Variants in NDUFS4 observed in about 807,000 individuals in gnomAD.
NDUFS4 encodes NADH dehydrogenase [ubiquinone] iron-sulfur protein 4, mitochondrial.
A neutral mutation model predicts 24.3 loss-of-function variants in NDUFS4; 28 were observed. The observed-to-expected ratio is 1.15, with a 90% confidence interval of 0.85 to 1.58. The LOEUF is 1.58. NDUFS4 is among the 40% of genes most tolerant of loss of function. The probability of loss-of-function intolerance (pLI) is 0.00; values close to 1 mark genes in which losing one functional copy is unlikely to be tolerated. For missense variants in NDUFS4, 223 were observed against 207.9 expected (o/e 1.07, Z -0.45); for synonymous variants, 93 against 69.7 (o/e 1.34, Z -1.67).
At chr5:53,572,790 A>T (rs1438799791) in intron 1 of NDUFS4, among the ~76,000 whole-genome samples, 1 of 151,414 alleles carries the variant, frequency 6.6e-6, no homozygotes, top group African/African-American at 2.4e-5. Context: ...GATTACAGGC[A>T]TGTGCCACCA....
chr5:53,565,692 A>T (rs1748997609), intron 1 of NDUFS4, among the ~76,000 whole-genome samples: 1 of 152,182 alleles, frequency 6.6e-6, no homozygotes, highest in African/African-American at 2.4e-5. Flanking sequence ...ATTCACCTAG[A>T]ACTCTGTTAA....
intron 2 of NDUFS4, among the ~76,000 whole-genome samples, chr5:53,618,419 A>G (rs1286677252): frequency 6.6e-6 from 1 of 152,162 alleles, no homozygotes; most frequent in Non-Finnish European, 1.5e-5. Context: ...TTGAATTATT[A>G]TGGAGCCCAT....
chr5:53,665,530 C>T (rs190445145), intron 4 of NDUFS4, among the ~76,000 whole-genome samples: 8 of 152,342 alleles, frequency 5.3e-5, no homozygotes, highest in Admixed American at 3.9e-4. Context: ...CAATGGCGGA[C>T]GCCCCTCCCA....
At chr5:53,646,179 T>G in intron 2 of NDUFS4, 54 bp from the exon 3 acceptor site, 1 of 1,363,642 alleles carries the variant, frequency 7.3e-7, no homozygotes, top group Non-Finnish European at 1.0e-6. Context: ...CAAAAGTACA[T>G]TAGTGTGTAT....
intron 1 of NDUFS4, 65 bp from the exon 2 acceptor site, chr5:53,603,387 T>C: frequency 8.6e-7 from 1 of 1,163,164 alleles, no homozygotes; most frequent in Non-Finnish European, 1.3e-6. Context: ...CTTGTTTATG[T>C]AAGATTTGTC....
chr5:53,570,495 T>C (rs918738157), intron 1 of NDUFS4, among the ~76,000 whole-genome samples: 1 of 152,154 alleles, frequency 6.6e-6, no homozygotes, highest in Non-Finnish European at 1.5e-5. Flanking sequence ...ATGTGAATTA[T>C]GATTTTGTTT....
intron 4 of NDUFS4, among the ~76,000 whole-genome samples, chr5:53,668,716 C>T (rs1466643649): frequency 6.6e-6 from 1 of 151,692 alleles, no homozygotes; most frequent in Non-Finnish European, 1.5e-5. Flanking sequence ...CTGCCTTGGC[C>T]TCCCAAAGTG....
chr5:53,588,532 TCTGA>T (rs562115299), intron 1 of NDUFS4, among the ~76,000 whole-genome samples: 290 of 152,308 alleles, frequency 1.9e-3, no homozygotes, highest in Non-Finnish European at 3.3e-3. Flanking sequence ...TTTTCACGAG[TCTGA>T]CTGACTGTGA....
At chr5:53,679,807 G>T (rs761808375) in intron 4 of NDUFS4, among the ~76,000 whole-genome samples, 7 of 152,214 alleles carry the variant, frequency 4.6e-5, no homozygotes, top group Middle Eastern at 3.4e-3. Flanking sequence ...AATAAGAGGA[G>T]AGAGAACTTA....
At chr5:53,620,606 C>T (rs1473090181) in intron 2 of NDUFS4, among the ~76,000 whole-genome samples, 2 of 152,130 alleles carry the variant, frequency 1.3e-5, no homozygotes, top group African/African-American at 2.4e-5. Flanking sequence ...AGCATTATAA[C>T]AGAGTTTGTG....
rs761939656 is a variant in NDUFS4 at position 53,603,408 on chromosome 5, C to G, written c.99-44C>G. 5.8e-6 allele frequency: 8 copies of G among 1,391,212 alleles called. No homozygotes were observed. The East Asian group carries it at 1.9e-4, about 32-fold the overall frequency. The allele number at this position is 1,391,212 out of a possible 1,614,324, so 86.2% of individuals were successfully genotyped here. A position where few individuals can be genotyped will look rare whatever the true frequency, so the allele number is the denominator to read the frequency against. On this transcript the variant is annotated intron_variant, in intron 1 of 4. Coordinates refer to ENST00000296684, the MANE Select transcript of NDUFS4 (RefSeq NM_002495.4). The stretch of plus-strand genomic sequence containing the variant: ...TATGTAAGATTTGTCTGTCTCTCCT[C>G]TCATTGCCTGGATCCTTTTTTAACT...
chr5:53,583,926 G>T (rs187208104), intron 1 of NDUFS4, among the ~76,000 whole-genome samples: 5 of 152,256 alleles, frequency 3.3e-5, no homozygotes, highest in African/African-American at 9.6e-5. Context: ...ATGTGTGAAA[G>T]AATTCAAGTA....
At position 53,639,217 on chromosome 5, in the gene NDUFS4, C is replaced by CTA. The variant is rs144977023; in HGVS notation, c.178-7004_178-7003dup. 7.6e-3 allele frequency among the ~76,000 whole-genome samples: 1,149 copies of CTA among 151,026 alleles called. 14 individuals are homozygous for CTA. Among genetic ancestry groups the CTA allele is most frequent in the African/African-American group, 0.026 (1,073 of 41,316 alleles). ...CCTTCTTAATTTCTTGTAGCTTAAA[C>CTA]TATATATATATATTAGAATTTTAAT... On this transcript the variant is annotated intron_variant, in intron 2 of 4. Coordinates refer to ENST00000296684, the MANE Select transcript of NDUFS4 (RefSeq NM_002495.4).
chr5:53,648,222 T>C (rs1173255010), intron 3 of NDUFS4, among the ~76,000 whole-genome samples: 1 of 152,142 alleles, frequency 6.6e-6, no homozygotes, highest in Non-Finnish European at 1.5e-5. Context: ...TGAGCCGCCA[T>C]GTCATGGTTA....
chr5:53,649,626 T>C (rs536878990), intron 3 of NDUFS4, among the ~76,000 whole-genome samples: 4 of 152,182 alleles, frequency 2.6e-5, no homozygotes, highest in Admixed American at 6.5e-5. Flanking sequence ...TTAGGTTGAT[T>C]CCTTGACTTT....
At chr5:53,609,968 C>G (rs1750646182) in intron 2 of NDUFS4, among the ~76,000 whole-genome samples, 1 of 152,154 alleles carries the variant, frequency 6.6e-6, no homozygotes, top group Non-Finnish European at 1.5e-5. Context: ...CTCCAGTTAG[C>G]AATAAGGCTG....
chr5:53,651,864 C>G (rs1413761966), intron 3 of NDUFS4, among the ~76,000 whole-genome samples: 2 of 151,692 alleles, frequency 1.3e-5, no homozygotes, highest in Non-Finnish European at 2.9e-5. Flanking sequence ...GCTCCGCCTC[C>G]CGGGTTCATG....
chr5:53,642,909 A>C (rs1751744761), intron 2 of NDUFS4, among the ~76,000 whole-genome samples: 1 of 152,136 alleles, frequency 6.6e-6, no homozygotes, highest in South Asian at 2.1e-4. Context: ...TTTTGACTTG[A>C]ATGCCCTTAA....
At chr5:53,618,887 G>T (rs1246274921) in intron 2 of NDUFS4, among the ~76,000 whole-genome samples, 2 of 151,806 alleles carry the variant, frequency 1.3e-5, no homozygotes, top group Non-Finnish European at 2.9e-5. Context: ...GCTGAGGTGG[G>T]TGGATTGCCT....
Sources: gnomAD v4.1 joint callset for allele counts (sites outside exome capture counted in the v4.1 genomes callset) on GRCh38, gnomAD v4.1.1 for gene constraint, MANE v1.5 for transcripts, NCBI Gene and HGNC (gene_info 2026-07-23, HGNC 2026-07-21) for gene names.